LSM12: variants seen among roughly 807,000 people sequenced by gnomAD.
LSM12 encodes protein LSM12.
For missense variants in LSM12, 108 were observed against 238.9 expected (o/e 0.45, Z 3.61); for synonymous variants, 74 against 87.3 (o/e 0.85, Z 0.85).
intron 2 of LSM12, among the ~76,000 whole-genome samples, chr17:44,049,168 G>A (rs1404869717): frequency 6.6e-6 from 1 of 152,156 alleles, no homozygotes; most frequent in Non-Finnish European, 1.5e-5. Flanking sequence ...TCCAGCCTGT[G>A]TGACAGAGAC....
intron 2 of LSM12, among the ~76,000 whole-genome samples, chr17:44,045,081 G>A (rs1021894444): frequency 3.9e-5 from 6 of 152,086 alleles, no homozygotes; most frequent in African/African-American, 1.4e-4. Context: ...AGGCTGGAGT[G>A]CAGTGGTGCG....
chr17:44,042,687 C>G (rs1466795187), intron 2 of LSM12, among the ~76,000 whole-genome samples: 1 of 152,088 alleles, frequency 6.6e-6, no homozygotes, highest in Non-Finnish European at 1.5e-5. Flanking sequence ...GCCTCAGCCT[C>G]CCGAGTAGCT....
intron 3 of LSM12, among the ~76,000 whole-genome samples, chr17:44,038,366 A>T (rs2049442760): frequency 6.6e-6 from 1 of 151,684 alleles, no homozygotes; most frequent in African/African-American, 2.4e-5. Flanking sequence ...AAAAAAAAAA[A>T]AAAAAAAGAA....
chr17:44,041,273 TA>T (rs11302122), intron 2 of LSM12, among the ~76,000 whole-genome samples: 25,942 of 110,268 alleles, frequency 0.24, 4,137 homozygotes, highest in East Asian at 0.74. Flanking sequence ...TCTGTCTCTT[TA>T]AAAAAAAAAA....
intron 2 of LSM12, 38 bp downstream of exon 2, chr17:44,063,763 A>C (rs748694521): frequency 1.3e-6 from 2 of 1,583,630 alleles, no homozygotes; most frequent in African/African-American, 2.7e-5. Flanking sequence ...CATCTTTCCC[A>C]CCATTTTAGA....
At chr17:44,048,862 G>A (rs971568579) in intron 2 of LSM12, among the ~76,000 whole-genome samples, 5 of 152,108 alleles carry the variant, frequency 3.3e-5, no homozygotes, top group East Asian at 1.9e-4. Context: ...AAGGAGAAAA[G>A]TATATGCATT....
At chr17:44,061,204 C>T (rs1372393134) in intron 2 of LSM12, among the ~76,000 whole-genome samples, 1 of 151,616 alleles carries the variant, frequency 6.6e-6, no homozygotes, top group Non-Finnish European at 1.5e-5. Context: ...GTAATCCCAG[C>T]TACTCAGGAG....
At chr17:44,055,191 C>T (rs1396026785) in intron 2 of LSM12, among the ~76,000 whole-genome samples, 6 of 152,028 alleles carry the variant, frequency 3.9e-5, no homozygotes, top group Admixed American at 3.3e-4. Flanking sequence ...GTTACAGCCT[C>T]TAGAAGCCAG....
chr17:44,052,229 C>G (rs923627320), intron 2 of LSM12, among the ~76,000 whole-genome samples: 1 of 150,776 alleles, frequency 6.6e-6, no homozygotes, highest in Admixed American at 6.7e-5. Flanking sequence ...AAGCAAGTCC[C>G]TATCTCTAAA....
intron 2 of LSM12, among the ~76,000 whole-genome samples, chr17:44,044,531 G>A (rs1455455407): frequency 6.6e-6 from 1 of 152,138 alleles, no homozygotes; most frequent in Non-Finnish European, 1.5e-5. Context: ...TTTTCAGTTT[G>A]CCCCCAATAT....
chr17:44,067,253 T>G (rs879329940), upstream of LSM12, among the ~76,000 whole-genome samples: 1 of 152,180 alleles, frequency 6.6e-6, no homozygotes, highest in Non-Finnish European at 1.5e-5. Context: ...TGAGCCAAGA[T>G]TGTGCCACTG....
Position 44,034,759 on chromosome 17 carries a change from G to A in LSM12, c.*1449C>T, listed in dbSNP as rs528739025. The A allele has an allele frequency of 4.2e-4, 52 of 124,528 alleles. No homozygotes were observed. Among genetic ancestry groups the A allele is most frequent in the African/African-American group, 1.5e-3 (49 of 31,908 alleles). The allele number at this position is 124,528 out of a possible 1,614,324, so 7.7% of individuals were successfully genotyped here. A position where few individuals can be genotyped will look rare whatever the true frequency, so the allele number is the denominator to read the frequency against. ...TTTATTTAATTAAAAAAAAAAGGAAGGGGAAAGAGATCATGGCCAAAAAAA... is the reference window on the plus strand; with the variant it reads ...TTTATTTAATTAAAAAAAAAAGGAAAGGGAAAGAGATCATGGCCAAAAAAA... On this transcript the variant is annotated 3_prime_UTR_variant, in exon 5 of 5. Transcript: ENST00000293406.
intron 2 of LSM12, among the ~76,000 whole-genome samples, chr17:44,042,180 A>G (rs1000418978): frequency 1.3e-5 from 2 of 151,986 alleles, no homozygotes; most frequent in Non-Finnish European, 2.9e-5. Flanking sequence ...CCGCCTACTC[A>G]GGAGGCTGAG....
intron 2 of LSM12, among the ~76,000 whole-genome samples, chr17:44,057,596 C>A (rs1255070977): frequency 2.7e-5 from 4 of 150,504 alleles, no homozygotes; most frequent in African/African-American, 9.8e-5. Context: ...CCTGTCTCTA[C>A]CAAAAATACA....
At chr17:44,044,979 T>C (rs1331695942) in intron 2 of LSM12, among the ~76,000 whole-genome samples, 1 of 152,204 alleles carries the variant, frequency 6.6e-6, no homozygotes, top group Non-Finnish European at 1.5e-5. Context: ...AGAGAAAGTG[T>C]AGAATGTGCC....
intron 2 of LSM12, among the ~76,000 whole-genome samples, chr17:44,053,791 G>T (rs1346026709): frequency 1.3e-5 from 2 of 151,910 alleles, no homozygotes; most frequent in Non-Finnish European, 2.9e-5. Context: ...CAATCTCCAG[G>T]GTAGTTTCTG....
intron 1 of LSM12, among the ~76,000 whole-genome samples, chr17:44,066,226 C>A (rs2049873339): frequency 6.6e-6 from 1 of 152,012 alleles, no homozygotes; most frequent in Non-Finnish European, 1.5e-5. Context: ...CCTCCACCCA[C>A]TGATCCTCGG....
chr17:44,059,939 C>T (rs112127554), intron 2 of LSM12, among the ~76,000 whole-genome samples: 1,900 of 152,070 alleles, frequency 0.012, 37 homozygotes, highest in African/African-American at 0.043. Context: ...CCGAGGCGGG[C>T]GGATCACAAG....
intron 2 of LSM12, among the ~76,000 whole-genome samples, chr17:44,051,324 G>A (rs1417060207): frequency 6.6e-6 from 1 of 150,580 alleles, no homozygotes; most frequent in Non-Finnish European, 1.5e-5. Context: ...CTGGGAGGCA[G>A]AGGTTGCAGT....
Sources: allele counts gnomAD v4.1 joint callset (sites outside exome capture counted in the v4.1 genomes callset), GRCh38; gene constraint gnomAD v4.1.1; transcripts MANE v1.5; gene names NCBI Gene and HGNC (gene_info 2026-07-23, HGNC 2026-07-21).